IGF2BP2: variants seen among roughly 807,000 people sequenced by gnomAD.
IGF2BP2 encodes insulin-like growth factor 2 mRNA-binding protein 2.
In IGF2BP2, 17 loss-of-function variants were observed where a neutral mutation model predicts 75.8. That is an observed-to-expected ratio of 0.22 (90% CI 0.15 to 0.34). The LOEUF (loss-of-function observed/expected upper bound fraction) is 0.34, where lower values mean the gene tolerates loss of function less well. Among genes scored for constraint, IGF2BP2 ranks in the 10% least tolerant of loss-of-function variants. The probability of loss-of-function intolerance (pLI) is 1.00; values close to 1 mark genes in which losing one functional copy is unlikely to be tolerated. For synonymous variants in IGF2BP2, 288 were observed against 295.6 expected, an observed-to-expected ratio of 0.97 and a Z score of 0.26; for missense variants, 516 against 772.4, an observed-to-expected ratio of 0.67 and a Z score of 3.93.
At chr3:185,668,510 T>TAG (rs1270840051) in intron 10 of IGF2BP2, among the ~76,000 whole-genome samples, 3 of 132,008 alleles carry the variant, frequency 2.3e-5, no homozygotes, top group Admixed American at 1.5e-4. Context: ...GAGAGAGAGA[T>TAG]ATATATATAT....
chr3:185,675,741 T>C, intron 8 of IGF2BP2, 50 bp downstream of exon 8: 1 of 1,595,876 alleles, frequency 6.3e-7, no homozygotes. Flanking sequence ...CGTATCGAAA[T>C]GCTCAGGTGT....
At chr3:185,759,576 A>G (rs565193025) in intron 2 of IGF2BP2, among the ~76,000 whole-genome samples, 12 of 152,346 alleles carry the variant, frequency 7.9e-5, no homozygotes, top group African/African-American at 2.6e-4. Context: ...CTTTCTGTTA[A>G]GAGTGGCAAC....
intron 2 of IGF2BP2, among the ~76,000 whole-genome samples, chr3:185,808,739 T>TTTA (rs1553896456): frequency 4.6e-5 from 7 of 151,288 alleles, no homozygotes; most frequent in South Asian, 4.2e-4. Flanking sequence ...TTTTTTTTTT[T>TTTA]ATCATTTTAG....
At chr3:185,695,564 T>C (rs761070133) in intron 4 of IGF2BP2, among the ~76,000 whole-genome samples, 8 of 152,214 alleles carry the variant, frequency 5.3e-5, no homozygotes, top group South Asian at 2.1e-4. Flanking sequence ...TCATGTATTA[T>C]TGCCTGTCAC....
intron 2 of IGF2BP2, among the ~76,000 whole-genome samples, chr3:185,740,878 ATTTTAC>A (rs1368861832): frequency 3.3e-5 from 5 of 151,938 alleles, no homozygotes. Context: ...TTTTTATTTT[ATTTTAC>A]TTATTTATTT....
chr3:185,712,064 C>T (rs535445811), intron 2 of IGF2BP2, among the ~76,000 whole-genome samples: 1 of 152,306 alleles, frequency 6.6e-6, no homozygotes, highest in East Asian at 1.9e-4. Context: ...GACCTGGAGC[C>T]AGCACTGAAT....
intron 2 of IGF2BP2, among the ~76,000 whole-genome samples, chr3:185,819,053 T>C (rs559288560): frequency 6.6e-6 from 1 of 152,292 alleles, no homozygotes; most frequent in South Asian, 2.1e-4. Context: ...GATCATCAAG[T>C]ATAAAAGGCT....
chr3:185,673,221 T>C (rs1192203406), intron 9 of IGF2BP2, among the ~76,000 whole-genome samples: 1 of 152,240 alleles, frequency 6.6e-6, no homozygotes. Flanking sequence ...CCTGTTTAGT[T>C]ACCTCTTCCC....
intron 2 of IGF2BP2, chr3:185,813,979 CAG>C (rs1740264719): frequency 6.6e-6 from 1 of 152,252 alleles, no homozygotes; most frequent in Admixed American, 6.5e-5. Context: ...ACCACATACT[CAG>C]AGTTTTTAAG....
At chr3:185,790,696 A>G (rs1177218317) in intron 2 of IGF2BP2, among the ~76,000 whole-genome samples, 1 of 152,222 alleles carries the variant, frequency 6.6e-6, no homozygotes, top group Non-Finnish European at 1.5e-5. Context: ...CTATGAATAG[A>G]AACAGTATGC....
At chr3:185,716,861 A>T in intron 2 of IGF2BP2, 1 of 492,768 alleles carries the variant, frequency 2.0e-6, no homozygotes, top group South Asian at 1.5e-5. Flanking sequence ...GACAGCCCTT[A>T]CCTGGTGGCT....
At chr3:185,765,393 C>T (rs2149714538) in intron 2 of IGF2BP2, among the ~76,000 whole-genome samples, 1 of 152,314 alleles carries the variant, frequency 6.6e-6, no homozygotes, top group Admixed American at 6.5e-5. Context: ...CAGCTCACAG[C>T]CTCACCTGTC....
intron 2 of IGF2BP2, among the ~76,000 whole-genome samples, chr3:185,758,434 G>C (rs1179986497): frequency 6.6e-6 from 1 of 152,166 alleles, no homozygotes; most frequent in African/African-American, 2.4e-5. Context: ...CTCAGCTTTG[G>C]TTTCCTTCTC....
intron 2 of IGF2BP2, among the ~76,000 whole-genome samples, chr3:185,719,010 C>T (rs756765832): frequency 2.6e-5 from 4 of 152,016 alleles, no homozygotes; most frequent in Non-Finnish European, 4.4e-5. Context: ...GTGTGGACCG[C>T]GGTAGGACTA....
At chr3:185,803,154 C>G (rs1313597107) in intron 2 of IGF2BP2, among the ~76,000 whole-genome samples, 3 of 152,188 alleles carry the variant, frequency 2.0e-5, no homozygotes, top group Non-Finnish European at 4.4e-5. Flanking sequence ...AGTTCAAGAC[C>G]AGCCTAGCTA....
intron 2 of IGF2BP2, among the ~76,000 whole-genome samples, chr3:185,727,321 C>G (rs1315222723): frequency 2.6e-5 from 4 of 152,076 alleles, no homozygotes. Context: ...GAAGGTTAGT[C>G]TGGGCAGATC....
intron 10 of IGF2BP2, among the ~76,000 whole-genome samples, chr3:185,659,940 A>G (rs1716152163): frequency 6.6e-6 from 1 of 151,964 alleles, no homozygotes; most frequent in Non-Finnish European, 1.5e-5. Context: ...GATTACAGGC[A>G]TGTGCCACCA....
chr3:185,816,404 T>C (rs1177517235), intron 2 of IGF2BP2, among the ~76,000 whole-genome samples: 1 of 152,224 alleles, frequency 6.6e-6, no homozygotes, highest in Non-Finnish European at 1.5e-5. Context: ...CTAAAAACTA[T>C]AGCAAAGTAC....
chr3:185,749,953 C>T (rs538005693), intron 2 of IGF2BP2, among the ~76,000 whole-genome samples: 4 of 152,306 alleles, frequency 2.6e-5, no homozygotes, highest in East Asian at 1.9e-4. Flanking sequence ...ATCACCCACG[C>T]GGACTTACTG....
Sources: allele counts gnomAD v4.1 joint callset (sites outside exome capture counted in the v4.1 genomes callset), GRCh38; gene constraint gnomAD v4.1.1; transcripts MANE v1.5; gene names NCBI Gene and HGNC (gene_info 2026-07-23, HGNC 2026-07-21).